Variants in MPRIP observed in about 807,000 individuals in gnomAD.
MPRIP encodes the protein myosin phosphatase Rho-interacting protein.
MPRIP carries 59 observed loss-of-function variants against 234.9 expected under a neutral mutation model. That is an observed-to-expected ratio of 0.25 (90% CI 0.20 to 0.31). The LOEUF (loss-of-function observed/expected upper bound fraction) is 0.31. MPRIP is among the 10% of genes least tolerant of loss of function. The pLI is 1.00. For synonymous variants in MPRIP, 1,144 were observed against 1,263.9 expected, an observed-to-expected ratio of 0.91 and a Z score of 2.01; for missense variants, 2,436 against 3,071.0, an observed-to-expected ratio of 0.79 and a Z score of 4.89.
chr17:17,057,301 T>C (rs546229234), intron 1 of MPRIP, among the ~76,000 whole-genome samples: 1 of 152,374 alleles, frequency 6.6e-6, no homozygotes, highest in Non-Finnish European at 1.5e-5. Flanking sequence ...CATGAGGCAG[T>C]GTCACGGGGC....
chr17:17,126,030 G>A (rs1416352907), intron 3 of MPRIP, among the ~76,000 whole-genome samples: 1 of 152,066 alleles, frequency 6.6e-6, no homozygotes, highest in East Asian at 1.9e-4. Context: ...CTCTTGCCTA[G>A]CCCTTTGCCT....
intron 12 of MPRIP, among the ~76,000 whole-genome samples, chr17:17,153,236 C>T (rs973511193): frequency 4.6e-5 from 7 of 152,140 alleles, no homozygotes; most frequent in African/African-American, 7.2e-5. Flanking sequence ...CACGTCAGGC[C>T]GGTGCGTGAT....
At chr17:17,101,871 C>T (rs1051619925) in intron 3 of MPRIP, among the ~76,000 whole-genome samples, 2 of 152,168 alleles carry the variant, frequency 1.3e-5, no homozygotes, top group Non-Finnish European at 2.9e-5. Context: ...GAAAGCCTGC[C>T]TGCCTTGGCT....
intron 23 of MPRIP, chr17:17,180,295 T>C: frequency 3.3e-6 from 2 of 606,222 alleles, no homozygotes; most frequent in South Asian, 4.0e-5. Flanking sequence ...GCAATGACAC[T>C]GACAGGCCAG....
intron 7 of MPRIP, among the ~76,000 whole-genome samples, chr17:17,140,342 T>C (rs1368857775): frequency 2.0e-5 from 3 of 152,216 alleles, no homozygotes; most frequent in African/African-American, 7.2e-5. Flanking sequence ...CTTTGTACTC[T>C]GCATGCACTG....
chr17:17,179,962 G>A, intron 22 of MPRIP, 41 bp from the exon 23 acceptor site: 1 of 1,514,340 alleles, frequency 6.6e-7, no homozygotes, highest in Non-Finnish European at 9.0e-7. Flanking sequence ...GTTTTAGAAA[G>A]CAAAGGTAAC....
chr17:17,099,951 A>G (rs1458312260), intron 3 of MPRIP, among the ~76,000 whole-genome samples: 1 of 152,210 alleles, frequency 6.6e-6, no homozygotes, highest in Non-Finnish European at 1.5e-5. Context: ...GTTTTCCAGG[A>G]AGAATCAGAT....
intron 8 of MPRIP, among the ~76,000 whole-genome samples, chr17:17,143,080 A>G (rs2045365735): frequency 6.6e-6 from 1 of 152,204 alleles, no homozygotes; most frequent in African/African-American, 2.4e-5. Flanking sequence ...TTCTTTCAGT[A>G]CAACTACACC....
rs551193894 is a variant in MPRIP at position 17,145,092 on chromosome 17, AGG to A, written c.1504-942_1504-941del. Reference sequence around the variant, plus strand: ...CTTGGCAGGACGTTGGGGTTGAAACAGGGCTCTGTAGAGGGACTTCTTATCTA... The same window carrying A: ...CTTGGCAGGACGTTGGGGTTGAAACAGCTCTGTAGAGGGACTTCTTATCTA... On this transcript the variant is annotated intron_variant, in intron 9 of 23. Coordinates refer to ENST00000651222, the MANE Select transcript of MPRIP (RefSeq NM_001364716.4). Among the ~76,000 whole-genome samples the A allele has an allele frequency of 4.6e-5, 7 of 152,330 alleles. No individual in the cohort carries two copies. In the South Asian group the frequency reaches 1.2e-3, roughly 27 times the overall value.
intron 1 of MPRIP, among the ~76,000 whole-genome samples, chr17:17,073,119 C>G (rs2089239008): frequency 6.6e-6 from 1 of 152,164 alleles, no homozygotes; most frequent in Non-Finnish European, 1.5e-5. Flanking sequence ...CCCCAGGCAG[C>G]CACTCCTCTG....
In MPRIP at chr17:17,078,497, C is replaced by T. The variant is rs1567699871; in HGVS notation, c.267+421C>T. Among the ~76,000 whole-genome samples the T allele has an allele frequency of 6.6e-6, 1 of 152,172 alleles. No homozygotes were observed. Among genetic ancestry groups the T allele is most frequent in the Non-Finnish European group, 1.5e-5 (1 of 68,034 alleles). On this transcript the variant is annotated intron_variant, in intron 3 of 23. Transcript: ENST00000651222. This position sits in a 1 kb window ranked among gnomAD's most constrained non-coding sequence, Gnocchi z 4.3. Reference sequence around the variant, plus strand: ...GTCCTGGGGTTGCCTGTCAATTCTGCGACTGTAATTGGTTTTGCTTGTCTC... The same window carrying T: ...GTCCTGGGGTTGCCTGTCAATTCTGTGACTGTAATTGGTTTTGCTTGTCTC...
In MPRIP at chr17:17,165,845, G is replaced by A. The variant is rs1233595725; in HGVS notation, c.4254G>A (p.Leu1418=). 7.7e-7 allele frequency: 1 copy of A among 1,304,262 alleles called. No homozygotes were observed. 80.8% of individuals were successfully genotyped at this position (1,304,262 alleles called of 1,614,324 possible). A position where few individuals can be genotyped will look rare whatever the true frequency, so the allele number is the denominator to read the frequency against. ...QGQSREALLA[L]HHQWAGTEAQ... ...AGAGCCGTGAGGCACTGCTCGCACT[G>A]CACCACCAGTGGGCGGGCACCGAGG... Residue 1418 remains leucine (L), a synonymous_variant, in exon 16 of 24, where the codon CTG becomes CTA. Transcript: ENST00000651222.
chr17:17,176,079 C>T (rs1269917429), intron 20 of MPRIP, among the ~76,000 whole-genome samples: 1 of 152,158 alleles, frequency 6.6e-6, no homozygotes, highest in Non-Finnish European at 1.5e-5. Flanking sequence ...ACCAAAAGGG[C>T]GGGCAAGAGA....
chr17:17,177,925 ATTT>A (rs35154903), intron 22 of MPRIP, among the ~76,000 whole-genome samples: 48 of 127,246 alleles, frequency 3.8e-4, no homozygotes, highest in African/African-American at 5.3e-4. Context: ...CTCATACGTA[ATTT>A]TTTTTTTTTT....
chr17:17,175,622 C>T (rs573578595), intron 20 of MPRIP, among the ~76,000 whole-genome samples: 16 of 152,198 alleles, frequency 1.1e-4, no homozygotes, highest in Non-Finnish European at 2.4e-4. Context: ...GTGGAGCCCT[C>T]GAGGGGCTGT....
At chr17:17,081,519 C>T (rs1312538583) in intron 3 of MPRIP, among the ~76,000 whole-genome samples, 1 of 152,224 alleles carries the variant, frequency 6.6e-6, no homozygotes, top group African/African-American at 2.4e-5. Flanking sequence ...GAGAAAACCT[C>T]CCAAGAGCTC....
chr17:17,106,557 C>T (rs888739224), intron 3 of MPRIP, among the ~76,000 whole-genome samples: 1 of 151,974 alleles, frequency 6.6e-6, no homozygotes, highest in Non-Finnish European at 1.5e-5. Context: ...TTCCTCTCCT[C>T]CTTCCAGAAC....
In MPRIP at chr17:17,105,690, T is replaced by C. The variant is rs7217002; in HGVS notation, c.268-21012T>C. ...CGTCCTGTAATGAGATACTTTTCAG[T>C]GAGGGCTGTTCCCTGGAAACAGTGT... On this transcript the variant is annotated intron_variant, in intron 3 of 23. Transcript: ENST00000651222. Among the ~76,000 whole-genome samples the C allele has an allele frequency of 7.7e-3, 1,177 of 152,238 alleles. 16 individuals carry two copies. Among genetic ancestry groups the C allele is most frequent in the African/African-American group, 0.027 (1,105 of 41,542 alleles).
At chr17:17,068,949 C>G (rs934536808) in intron 1 of MPRIP, among the ~76,000 whole-genome samples, 3 of 152,052 alleles carry the variant, frequency 2.0e-5, no homozygotes, top group African/African-American at 7.2e-5. Context: ...GAGACCTTTC[C>G]TCTTTTCTAA....
Sources: gnomAD v4.1 joint callset for allele counts (sites outside exome capture counted in the v4.1 genomes callset) on GRCh38, gnomAD v4.1.1 for gene constraint, Gnocchi (gnomAD v3.1) non-coding constraint, MANE v1.5 for transcripts, NCBI Gene and HGNC (gene_info 2026-07-23, HGNC 2026-07-21) for gene names.